Variants in IL1RAPL1 observed in about 807,000 individuals in gnomAD.
IL1RAPL1 encodes the protein interleukin-1 receptor accessory protein-like 1.
IL1RAPL1 carries 3 observed loss-of-function variants against 48.4 expected under a neutral mutation model. The ratio of observed to expected loss-of-function variants is 0.06; its 90% CI spans 0.03 to 0.16. The LOEUF (loss-of-function observed/expected upper bound fraction) is 0.16. Ranked by LOEUF, IL1RAPL1 falls within the 10% of genes least tolerant of loss-of-function variation. IL1RAPL1 has a pLI of 1.00. For missense variants in IL1RAPL1, 349 were observed against 530.6 expected (o/e 0.66, Z 3.36); for synonymous variants, 185 against 187.7 (o/e 0.99, Z 0.12).
chrX:29,385,640 A>G (rs905812669), intron 3 of IL1RAPL1, among the ~76,000 whole-genome samples: 3 of 112,309 alleles, frequency 2.7e-5, no homozygotes, highest in African/African-American at 9.7e-5. Flanking sequence ...CACTTAGCCT[A>G]ATGTTCTCAG....
intron 5 of IL1RAPL1, among the ~76,000 whole-genome samples, chrX:29,414,296 T>C (rs1400576188): frequency 2.7e-5 from 3 of 112,115 alleles, no homozygotes; most frequent in Non-Finnish European, 5.6e-5. Flanking sequence ...ACATTTTGAA[T>C]GTATTTAATG....
chrX:29,379,021 G>A (rs1285496870), intron 3 of IL1RAPL1, among the ~76,000 whole-genome samples: 2 of 112,387 alleles, frequency 1.8e-5, no homozygotes, highest in Non-Finnish European at 3.8e-5. Context: ...CTGTGAGAGT[G>A]GGCTCCTCCC....
intron 5 of IL1RAPL1, among the ~76,000 whole-genome samples, chrX:29,562,613 T>C (rs1455287215): frequency 8.9e-6 from 1 of 111,979 alleles, no homozygotes; most frequent in Non-Finnish European, 1.9e-5. Context: ...TTAAAGAAAT[T>C]AGACCTATTA....
chrX:29,818,008 G>A (rs898758832), intron 6 of IL1RAPL1, among the ~76,000 whole-genome samples: 1 of 111,926 alleles, frequency 8.9e-6, no homozygotes, highest in Non-Finnish European at 1.9e-5. Context: ...TCAAAGTAGT[G>A]TCACACGCTG....
At chrX:29,506,971 A>T (rs1043774389) in intron 5 of IL1RAPL1, among the ~76,000 whole-genome samples, 12 of 110,357 alleles carry the variant, frequency 1.1e-4, no homozygotes, top group African/African-American at 4.0e-4. Flanking sequence ...ACTTGGTGCC[A>T]GGTAGATTAG....
At chrX:29,710,378 A>T (rs1250201311) in intron 6 of IL1RAPL1, among the ~76,000 whole-genome samples, 29 of 107,248 alleles carry the variant, frequency 2.7e-4, no homozygotes, top group Admixed American at 7.1e-4. Flanking sequence ...CCATGAAAGG[A>T]TGTTGAATTT....
At chrX:29,256,456 G>A (rs1167972529) in intron 2 of IL1RAPL1, among the ~76,000 whole-genome samples, 4 of 111,325 alleles carry the variant, frequency 3.6e-5, no homozygotes, top group Non-Finnish European at 5.7e-5. Flanking sequence ...GAATATAAAA[G>A]GCAAGACACA....
chrX:29,835,961 A>G (rs1338116399), intron 6 of IL1RAPL1, among the ~76,000 whole-genome samples: 2 of 93,069 alleles, frequency 2.1e-5, no homozygotes, highest in Non-Finnish European at 4.2e-5. Context: ...GCCAGTCTTC[A>G]TTTCATGGAT....
chrX:28,819,574 G>A (rs1275686100), intron 2 of IL1RAPL1, among the ~76,000 whole-genome samples: 1 of 110,464 alleles, frequency 9.1e-6, no homozygotes, highest in Non-Finnish European at 1.9e-5. Flanking sequence ...CTAAATTTTT[G>A]TAATAAGAAA....
At chrX:29,735,424 C>A (rs1168823519) in intron 6 of IL1RAPL1, among the ~76,000 whole-genome samples, 2 of 111,895 alleles carry the variant, frequency 1.8e-5, no homozygotes, top group Non-Finnish European at 3.8e-5. Context: ...CCCTTGCCAT[C>A]TAATTTAACA....
At position 29,658,750 on chromosome X, in the gene IL1RAPL1, T is replaced by C. The variant is rs150597682; in HGVS notation, c.704-9680T>C. Reference sequence around the variant, plus strand: ...GTGATATTTTGATGAATGTAGGCAATGTGTAATGATCAAATCAGGGTAATG... The same window carrying C: ...GTGATATTTTGATGAATGTAGGCAACGTGTAATGATCAAATCAGGGTAATG... On this transcript the variant is annotated intron_variant, in intron 5 of 10. Coordinates refer to ENST00000378993, the MANE Select transcript of IL1RAPL1 (RefSeq NM_014271.4). Among the ~76,000 whole-genome samples the C allele has an allele frequency of 1.3e-4, 15 of 112,040 alleles. No homozygotes were observed. In the South Asian group the frequency reaches 3.0e-3, roughly 22 times the overall value.
intron 3 of IL1RAPL1, among the ~76,000 whole-genome samples, chrX:29,339,075 T>TACAAAC (rs1555995004): frequency 2.2e-5 from 2 of 92,318 alleles, no homozygotes; most frequent in Non-Finnish European, 4.3e-5. Flanking sequence ...GCTGGGTAAA[T>TACAAAC]ACACACACAC....
At chrX:29,239,946 C>T (rs1262296612) in intron 2 of IL1RAPL1, among the ~76,000 whole-genome samples, 1 of 108,351 alleles carries the variant, frequency 9.2e-6, no homozygotes, top group African/African-American at 3.4e-5. Flanking sequence ...ATATCTACCT[C>T]TCTGACTCTT....
At chrX:29,117,137 G>GTTTGCAGATAATGAGTTCCCTT (rs1928693253) in intron 2 of IL1RAPL1, among the ~76,000 whole-genome samples, 1 of 111,345 alleles carries the variant, frequency 9.0e-6, no homozygotes, top group Non-Finnish European at 1.9e-5. Context: ...CAGGGAAAGA[G>GTTTGCAGATAATGAGTTCCCTT]ACAGAAACAA....
intron 6 of IL1RAPL1, among the ~76,000 whole-genome samples, chrX:29,810,145 TAGC>T (rs1326066323): frequency 9.2e-6 from 1 of 108,693 alleles, no homozygotes; most frequent in Admixed American, 9.8e-5. Flanking sequence ...TATACATACA[TAGC>T]AGCACATTTC....
intron 2 of IL1RAPL1, among the ~76,000 whole-genome samples, chrX:29,018,890 G>A (rs1377675139): frequency 8.9e-6 from 1 of 111,869 alleles, no homozygotes; most frequent in Non-Finnish European, 1.9e-5. Flanking sequence ...GACTGCTAAT[G>A]GGTATAAGAT....
chrX:28,885,360 C>T (rs769998111), intron 2 of IL1RAPL1, among the ~76,000 whole-genome samples: 10 of 110,527 alleles, frequency 9.0e-5, no homozygotes, highest in Non-Finnish European at 1.9e-4. Context: ...TCTTATAACC[C>T]CAATGAAAAT....
intron 3 of IL1RAPL1, among the ~76,000 whole-genome samples, chrX:29,382,021 T>C (rs1393284593): frequency 3.7e-5 from 4 of 109,063 alleles, no homozygotes; most frequent in Non-Finnish European, 7.6e-5. Flanking sequence ...TAATAGCTTT[T>C]GTAAATTAGC....
intron 5 of IL1RAPL1, among the ~76,000 whole-genome samples, chrX:29,555,877 C>T (rs947280030): frequency 8.9e-6 from 1 of 112,084 alleles, no homozygotes; most frequent in Admixed American, 9.4e-5. Flanking sequence ...TTAACTTGGC[C>T]ATGCTGAGAA....
Sources: allele counts gnomAD v4.1 joint callset (sites outside exome capture counted in the v4.1 genomes callset), GRCh38; gene constraint gnomAD v4.1.1; transcripts MANE v1.5; gene names NCBI Gene and HGNC (gene_info 2026-07-23, HGNC 2026-07-21).